Variants in IMMP2L observed in about 807,000 individuals in gnomAD.
The protein encoded by IMMP2L is inner mitochondrial membrane peptidase subunit 2, also known as mitochondrial inner membrane protease subunit 2.
In IMMP2L, 18 loss-of-function variants were observed where a neutral mutation model predicts 19.3. The observed-to-expected ratio is 0.93, with a 90% CI of 0.64 to 1.38. IMMP2L has a LOEUF of 1.38. IMMP2L is among the 40% of genes most tolerant of loss of function. The pLI is 0.00. For synonymous variants in IMMP2L, 76 were observed against 73.0 expected (o/e 1.04, Z -0.21); for missense variants, 233 against 218.2 (o/e 1.07, Z -0.43).
chr7:111,281,749 A>G (rs1219321235), intron 3 of IMMP2L, among the ~76,000 whole-genome samples: 1 of 152,218 alleles, frequency 6.6e-6, no homozygotes. Context: ...AGGATAGGAA[A>G]TGACATCAAG....
chr7:111,044,945 A>T (rs931278527), intron 3 of IMMP2L, among the ~76,000 whole-genome samples: 1 of 152,186 alleles, frequency 6.6e-6, no homozygotes, highest in African/African-American at 2.4e-5. Context: ...CAGCTAACAG[A>T]GCTGTGAAAA....
intron 3 of IMMP2L, among the ~76,000 whole-genome samples, chr7:111,408,918 T>C (rs1372433458): frequency 1.3e-5 from 2 of 151,712 alleles, no homozygotes; most frequent in Admixed American, 6.6e-5. Context: ...CTTCAATTCC[T>C]TTGCAGACTA....
At position 110,803,186 on chromosome 7, in the gene IMMP2L, T is replaced by A. The variant is rs1469623795; in HGVS notation, c.408+83407A>T. Among the ~76,000 whole-genome samples, 1 of 151,932 alleles carries A rather than the reference T, an allele frequency of 6.6e-6. No individual in the cohort carries two copies. Among genetic ancestry groups the A allele is most frequent in the Non-Finnish European group, 1.5e-5 (1 of 67,982 alleles). On this transcript the variant is annotated intron_variant, in intron 5 of 5. Coordinates refer to ENST00000405709, the MANE Select transcript of IMMP2L (RefSeq NM_032549.4). This position sits in a 1 kb window ranked among gnomAD's most constrained non-coding sequence, Gnocchi z 4.2. The stretch of plus-strand genomic sequence containing the variant: ...GGCATATTAGGTAGTGGGAACAAAA[T>A]GGACATAATCTCTGAGATAGGAATG...
In IMMP2L at chr7:110,757,052, C is replaced by A. The variant is rs577714955; in HGVS notation, c.409-93331G>T. On this transcript the variant is annotated intron_variant, in intron 5 of 5. Coordinates refer to ENST00000405709, the MANE Select transcript of IMMP2L (RefSeq NM_032549.4). This position sits in a 1 kb window ranked among gnomAD's most constrained non-coding sequence, Gnocchi z 4.2. ...GTAATGAAAGATACTGAAATTCCTG[C>A]CCTGGGGAGCTTAAATTCAAGTGGG... 2.6e-5 allele frequency among the ~76,000 whole-genome samples: 4 copies of A among 152,136 alleles called. No individual in the cohort carries two copies. In the South Asian group the frequency reaches 8.3e-4, roughly 32 times the overall value.
chr7:111,286,852 T>C (rs1490454105), intron 3 of IMMP2L, among the ~76,000 whole-genome samples: 1 of 152,154 alleles, frequency 6.6e-6, no homozygotes, highest in African/African-American at 2.4e-5. Context: ...CCCAGAGATG[T>C]AGAGCCTAGT....
chr7:110,731,076 C>A (rs1196120836), intron 5 of IMMP2L, among the ~76,000 whole-genome samples: 1 of 152,170 alleles, frequency 6.6e-6, no homozygotes, highest in Non-Finnish European at 1.5e-5. Flanking sequence ...AATATCCAAT[C>A]AGCTGAACTC....
chr7:111,023,935 T>C (rs1826553227), intron 3 of IMMP2L, among the ~76,000 whole-genome samples: 1 of 152,084 alleles, frequency 6.6e-6, no homozygotes, highest in Admixed American at 6.6e-5. Context: ...GAGAAATAGG[T>C]GAATAGTCCA....
chr7:110,861,092 TGTGTGTGAGA>T (rs1484201299), intron 5 of IMMP2L, among the ~76,000 whole-genome samples: 7 of 104,438 alleles, frequency 6.7e-5, no homozygotes, highest in African/African-American at 2.7e-4. Context: ...TGTGTGTGTG[TGTGTGTGAGA>T]GAGAGAGAGA....
At chr7:111,151,800 G>A (rs560115819) in intron 3 of IMMP2L, among the ~76,000 whole-genome samples, 39 of 152,186 alleles carry the variant, frequency 2.6e-4, no homozygotes, top group African/African-American at 9.1e-4. Flanking sequence ...TTAGCTGGGC[G>A]TGGTGCATGC....
intron 3 of IMMP2L, among the ~76,000 whole-genome samples, chr7:111,189,567 A>T (rs574813650): frequency 5.7e-4 from 86 of 152,208 alleles, no homozygotes; most frequent in Admixed American, 1.2e-3. Context: ...CCTGAAAAAA[A>T]AAATAAATAA....
At chr7:111,221,435 T>C (rs1201024891) in intron 3 of IMMP2L, among the ~76,000 whole-genome samples, 1 of 152,030 alleles carries the variant, frequency 6.6e-6, no homozygotes, top group African/African-American at 2.4e-5. Flanking sequence ...TAGCTTGTTT[T>C]AAGACTAGCA....
intron 5 of IMMP2L, among the ~76,000 whole-genome samples, chr7:110,781,055 G>A (rs1799706536): frequency 6.6e-6 from 1 of 151,942 alleles, no homozygotes; most frequent in South Asian, 2.1e-4. Flanking sequence ...TGTTAACCTT[G>A]AAACATTTAA....
chr7:111,345,519 G>T (rs538962983), intron 3 of IMMP2L, among the ~76,000 whole-genome samples: 1 of 152,258 alleles, frequency 6.6e-6, no homozygotes, highest in East Asian at 1.9e-4. Flanking sequence ...TATGGTATTT[G>T]ATTATTTGAG....
chr7:110,857,752 A>G (rs1806948756), intron 5 of IMMP2L, among the ~76,000 whole-genome samples: 1 of 152,092 alleles, frequency 6.6e-6, no homozygotes, highest in Admixed American at 6.6e-5. Context: ...CTCTGTGGAT[A>G]TTCATACAAC....
chr7:111,077,953 T>C (rs1795556882), intron 3 of IMMP2L, among the ~76,000 whole-genome samples: 1 of 152,234 alleles, frequency 6.6e-6, no homozygotes, highest in African/African-American at 2.4e-5. Flanking sequence ...TCAACATTCA[T>C]GTCTGTGCTC....
At chr7:111,390,935 C>A (rs753452202) in intron 3 of IMMP2L, among the ~76,000 whole-genome samples, 35 of 152,116 alleles carry the variant, frequency 2.3e-4, no homozygotes, top group Admixed American at 4.6e-4. Flanking sequence ...ATTCAAGAGA[C>A]CTCAATAATC....
At chr7:110,753,105 G>A (rs887860025) in intron 5 of IMMP2L, among the ~76,000 whole-genome samples, 1 of 148,366 alleles carries the variant, frequency 6.7e-6, no homozygotes. Context: ...GGTTGATGCT[G>A]GGGGAGCAGA....
chr7:111,561,764 C>T (rs76973829), intron 1 of IMMP2L, 87 bp downstream of exon 1: 13,571 of 152,598 alleles, frequency 0.089, 751 homozygotes, highest in African/African-American at 0.14. Flanking sequence ...TCCCCACGAG[C>T]AGTTCTGGAC....
intron 3 of IMMP2L, among the ~76,000 whole-genome samples, chr7:111,229,770 T>C (rs1471454237): frequency 6.6e-6 from 1 of 152,080 alleles, no homozygotes; most frequent in Non-Finnish European, 1.5e-5. Flanking sequence ...CAGAGGCAAA[T>C]GTTTGATAAA....
Sources: gnomAD v4.1 joint callset for allele counts (sites outside exome capture counted in the v4.1 genomes callset) on GRCh38, gnomAD v4.1.1 for gene constraint, Gnocchi (gnomAD v3.1) non-coding constraint, MANE v1.5 for transcripts, NCBI Gene and HGNC (gene_info 2026-07-23, HGNC 2026-07-21) for gene names.